Variants in CC2D2A observed in about 807,000 individuals in gnomAD.
CC2D2A encodes coiled-coil and C2 domain containing 2A.
CC2D2A carries 155 observed loss-of-function variants against 212.9 expected under a neutral mutation model. The observed-to-expected ratio is 0.73, with a 90% CI of 0.64 to 0.83. CC2D2A has a LOEUF of 0.83. Among genes scored for constraint, CC2D2A ranks in the 40% least tolerant of loss-of-function variants. CC2D2A has a pLI of 0.00. For synonymous variants in CC2D2A, 667 were observed against 686.5 expected, an observed-to-expected ratio of 0.97 and a Z score of 0.44; for missense variants, 1,856 against 1,956.2, an observed-to-expected ratio of 0.95 and a Z score of 0.97.
rs373960465 is a variant in CC2D2A at position 15,563,386 on chromosome 4, G to A, written c.3046G>A (p.Glu1016Lys). Residue 1016 changes from glutamate to lysine, a missense_variant, in exon 24 of 37, where the codon GAA becomes AAA. Coordinates refer to ENST00000424120, the MANE Select transcript of CC2D2A (RefSeq NM_001378615.1). ...ILGLSLFKLAEQKRPLRPRRK... is the reference protein window; with the variant it reads ...ILGLSLFKLAKQKRPLRPRRK... The stretch of plus-strand genomic sequence containing the variant: ...GGGCCTAAGCCTTTTCAAGCTGGCA[G>A]AACAAAAGCGACCACTGCGGCCAAG... 1.1e-4 allele frequency: 169 copies of A among 1,606,286 alleles called. 1 individual carries two copies. The African/African-American group carries it at 1.7e-3, about 16-fold the overall frequency.
chr4:15,553,147 T>C lies in CC2D2A; in HGVS notation c.2339-11T>C. 1 of 1,584,386 alleles carries C rather than the reference T, an allele frequency of 6.3e-7. No individual in the cohort carries two copies. The highest frequency in any genetic ancestry group is 8.6e-7 in the Non-Finnish European group (1 of 1,169,268). On this transcript the variant is annotated splice_polypyrimidine_tract_variant and intron_variant, in intron 18 of 36. Coordinates refer to ENST00000424120, the MANE Select transcript of CC2D2A (RefSeq NM_001378615.1). ...CTAAACAGCATCCTGTTTAATCTGG[T>C]GTTTCCCCAGGAGTGCCCTTCTCAT...
At chr4:15,505,024 C>T (rs1418235922) in intron 6 of CC2D2A, among the ~76,000 whole-genome samples, 1 of 152,170 alleles carries the variant, frequency 6.6e-6, no homozygotes, top group Non-Finnish European at 1.5e-5. Flanking sequence ...CTCTATAAAA[C>T]AGGGGTAATT....
intron 16 of CC2D2A, among the ~76,000 whole-genome samples, chr4:15,539,581 T>C (rs900583640): frequency 6.6e-6 from 1 of 152,244 alleles, no homozygotes; most frequent in Non-Finnish European, 1.5e-5. Flanking sequence ...ATTTTAAAAT[T>C]ATAGCTTTTT....
At chr4:15,486,169 C>T (rs905268737) in intron 4 of CC2D2A, among the ~76,000 whole-genome samples, 4 of 151,906 alleles carry the variant, frequency 2.6e-5, no homozygotes, top group African/African-American at 7.3e-5. Flanking sequence ...ATAATACTGC[C>T]CTTGTACCAT....
chr4:15,557,572 A>C, intron 21 of CC2D2A, 65 bp downstream of exon 21: 1 of 1,074,012 alleles, frequency 9.3e-7, no homozygotes, highest in Non-Finnish European at 1.3e-6. Flanking sequence ...TAGGTATACT[A>C]CTGTATATGT....
chr4:15,600,137 A>G (rs528418702), intron 36 of CC2D2A, among the ~76,000 whole-genome samples: 9 of 152,342 alleles, frequency 5.9e-5, no homozygotes, highest in Admixed American at 1.3e-4. Context: ...CTATAGCTGG[A>G]TAATAAAACC....
At chr4:15,472,546 A>G (rs1000013603) in intron 1 of CC2D2A, among the ~76,000 whole-genome samples, 1 of 152,140 alleles carries the variant, frequency 6.6e-6, no homozygotes, top group Non-Finnish European at 1.5e-5. Context: ...AAAAAAGAAA[A>G]TCCCATTACA....
At chr4:15,583,247 G>A (rs1391838645) in intron 30 of CC2D2A, among the ~76,000 whole-genome samples, 1 of 152,162 alleles carries the variant, frequency 6.6e-6, no homozygotes, top group Non-Finnish European at 1.5e-5. Context: ...ACAGTGAAAA[G>A]TTGAAAAGTT....
chr4:15,541,560 C>T (rs958035403), intron 17 of CC2D2A, among the ~76,000 whole-genome samples: 6 of 152,050 alleles, frequency 3.9e-5, no homozygotes, highest in African/African-American at 1.4e-4. Context: ...GGAGTGTCTG[C>T]CTTGAGATGG....
chr4:15,540,519 T>C (rs1281487327), intron 16 of CC2D2A, among the ~76,000 whole-genome samples: 1 of 152,228 alleles, frequency 6.6e-6, no homozygotes. Flanking sequence ...TTATTCCATT[T>C]AACAAGGAAT....
At chr4:15,541,160 A>G (rs1195217072) in intron 17 of CC2D2A, 146 bp downstream of exon 17, 21 of 528,952 alleles carry the variant, frequency 4.0e-5, no homozygotes, top group East Asian at 2.5e-4. Flanking sequence ...GTAAATACAA[A>G]AAAAAAAAAT....
At chr4:15,508,760 T>C (rs1716399204) in intron 6 of CC2D2A, among the ~76,000 whole-genome samples, 1 of 152,226 alleles carries the variant, frequency 6.6e-6, no homozygotes, top group South Asian at 2.1e-4. Context: ...CCAGTGAAGA[T>C]GGCACACTAC....
At chr4:15,546,901 A>G (rs567090832) in intron 17 of CC2D2A, among the ~76,000 whole-genome samples, 8 of 152,304 alleles carry the variant, frequency 5.3e-5, no homozygotes, top group African/African-American at 1.9e-4. Flanking sequence ...GAAACTGGGA[A>G]ATCTCTAGGA....
intron 13 of CC2D2A, among the ~76,000 whole-genome samples, chr4:15,529,563 T>C (rs1057205299): frequency 6.6e-6 from 1 of 152,188 alleles, no homozygotes; most frequent in Admixed American, 6.5e-5. Flanking sequence ...CTTCTTTATA[T>C]ACAATGCATC....
At chr4:15,531,974 C>T (rs1286233969) in intron 13 of CC2D2A, among the ~76,000 whole-genome samples, 1 of 152,112 alleles carries the variant, frequency 6.6e-6, no homozygotes, top group African/African-American at 2.4e-5. Flanking sequence ...GTTCTAAGCA[C>T]ATTATGCGGA....
chr4:15,530,602 A>G (rs1717799902), intron 13 of CC2D2A, among the ~76,000 whole-genome samples: 3 of 152,158 alleles, frequency 2.0e-5, no homozygotes, highest in African/African-American at 7.2e-5. Flanking sequence ...AGAGTCATGG[A>G]CAGCAGACCC....
chr4:15,489,986 A>G (rs1715209538), intron 4 of CC2D2A, among the ~76,000 whole-genome samples: 1 of 152,142 alleles, frequency 6.6e-6, no homozygotes, highest in South Asian at 2.1e-4. Flanking sequence ...TCAATACTCA[A>G]TTACTGTTGT....
intron 17 of CC2D2A, among the ~76,000 whole-genome samples, chr4:15,541,734 G>C (rs1718461539): frequency 6.6e-6 from 1 of 152,088 alleles, no homozygotes. Flanking sequence ...CAGGTGCTAG[G>C]ATCCCCCAAA....
intron 14 of CC2D2A, among the ~76,000 whole-genome samples, chr4:15,534,965 C>T: frequency 6.6e-6 from 1 of 150,846 alleles, no homozygotes. Flanking sequence ...CCAAAGATAG[C>T]TGCAAATTGT....
Sources: gnomAD v4.1 joint callset for allele counts (sites outside exome capture counted in the v4.1 genomes callset) on GRCh38, gnomAD v4.1.1 for gene constraint, MANE v1.5 for transcripts, NCBI Gene and HGNC (gene_info 2026-07-23, HGNC 2026-07-21) for gene names.